PRKG1: variants seen among roughly 807,000 people sequenced by gnomAD.
PRKG1 encodes the protein protein kinase cGMP-dependent 1, also known as cGMP-dependent protein kinase 1.
In PRKG1, 35 loss-of-function variants were observed where a neutral mutation model predicts 88.1. The observed-to-expected ratio is 0.40, with a 90% CI of 0.30 to 0.53. The LOEUF is 0.53. PRKG1 is among the 20% of genes least tolerant of loss of function. The pLI is 0.59. For missense variants in PRKG1, 540 were observed against 839.8 expected, an observed-to-expected ratio of 0.64 and a Z score of 4.41; for synonymous variants, 303 against 292.5, an observed-to-expected ratio of 1.04 and a Z score of -0.37.
intron 9 of PRKG1, among the ~76,000 whole-genome samples, chr10:52,168,032 A>G (rs933737313): frequency 3.9e-5 from 6 of 152,176 alleles, no homozygotes; most frequent in Non-Finnish European, 8.8e-5. Flanking sequence ...GTAGTCCCTC[A>G]TGCACCAGCA....
chr10:52,182,901 T>C (rs1458536939), intron 9 of PRKG1, among the ~76,000 whole-genome samples: 1 of 152,174 alleles, frequency 6.6e-6, no homozygotes, highest in Non-Finnish European at 1.5e-5. Flanking sequence ...CCTGTACAAG[T>C]ATGGCACTAG....
intron 9 of PRKG1, among the ~76,000 whole-genome samples, chr10:52,223,983 C>A (rs1840316005): frequency 6.6e-6 from 1 of 152,136 alleles, no homozygotes; most frequent in Admixed American, 6.6e-5. Flanking sequence ...TCTGACTTAT[C>A]TTCATATTTC....
intron 4 of PRKG1, among the ~76,000 whole-genome samples, chr10:51,873,597 A>G (rs4935288): frequency 0.41 from 61,022 of 147,856 alleles, 14,190 homozygotes; most frequent in African/African-American, 0.62. Flanking sequence ...TCATGATCTC[A>G]GCTCACTGCA....
At chr10:51,009,594 A>T (rs1215577972) in intron 1 of PRKG1, among the ~76,000 whole-genome samples, 1 of 152,222 alleles carries the variant, frequency 6.6e-6, no homozygotes, top group Non-Finnish European at 1.5e-5. Context: ...GAGCTAGTTG[A>T]ATAGTCTTAT....
intron 9 of PRKG1, among the ~76,000 whole-genome samples, chr10:52,205,885 A>G (rs192263318): frequency 6.6e-6 from 1 of 151,892 alleles, no homozygotes; most frequent in Admixed American, 6.6e-5. Context: ...TCTGATGACT[A>G]TGTGCATTGG....
chr10:51,009,192 G>A (rs1221775496), intron 1 of PRKG1, among the ~76,000 whole-genome samples: 2 of 152,016 alleles, frequency 1.3e-5, no homozygotes, highest in Non-Finnish European at 1.5e-5. Flanking sequence ...TTGGTAACTT[G>A]TTTCTTTAGG....
At chr10:51,886,373 A>C (rs868839143) in intron 4 of PRKG1, among the ~76,000 whole-genome samples, 1 of 152,196 alleles carries the variant, frequency 6.6e-6, no homozygotes, top group South Asian at 2.1e-4. Flanking sequence ...AAGCCATTTA[A>C]AGATATGGCA....
chr10:51,753,111 CTAAT>C (rs899013989), intron 3 of PRKG1, among the ~76,000 whole-genome samples: 47 of 152,038 alleles, frequency 3.1e-4, no homozygotes, highest in African/African-American at 1.0e-3. Flanking sequence ...ATCTTGGTGT[CTAAT>C]TATATTACAA....
At chr10:51,638,734 G>A (rs1314506517) in intron 3 of PRKG1, among the ~76,000 whole-genome samples, 5 of 152,176 alleles carry the variant, frequency 3.3e-5, no homozygotes, top group Non-Finnish European at 7.3e-5. Context: ...GAAGGAAGCA[G>A]GAAGTAATCA....
At chr10:51,073,426 G>C (rs956219511), upstream of PRKG1, among the ~76,000 whole-genome samples, 1 of 152,146 alleles carries the variant, frequency 6.6e-6, no homozygotes, top group African/African-American at 2.4e-5. Flanking sequence ...TATTTTTAAA[G>C]GTATGATTCA....
intron 5 of PRKG1, among the ~76,000 whole-genome samples, chr10:51,990,646 A>G (rs1844280994): frequency 6.6e-6 from 1 of 152,006 alleles, no homozygotes; most frequent in African/African-American, 2.4e-5. Flanking sequence ...GGGTTGTTGT[A>G]TAGATTATTT....
intron 9 of PRKG1, among the ~76,000 whole-genome samples, chr10:52,216,114 C>G (rs984491095): frequency 6.6e-6 from 1 of 152,184 alleles, no homozygotes; most frequent in Non-Finnish European, 1.5e-5. Flanking sequence ...TTGGGAGATT[C>G]TTCAGACTGC....
chr10:51,263,219 GCC>G (rs1839757752), intron 2 of PRKG1, among the ~76,000 whole-genome samples: 2 of 152,082 alleles, frequency 1.3e-5, no homozygotes, highest in South Asian at 4.2e-4. Flanking sequence ...TATTTAACAG[GCC>G]TCATTGATGC....
At chr10:51,056,761 T>C (rs1843630689) in intron 1 of PRKG1, among the ~76,000 whole-genome samples, 1 of 152,146 alleles carries the variant, frequency 6.6e-6, no homozygotes, top group Non-Finnish European at 1.5e-5. Flanking sequence ...CTTGTCTGTC[T>C]CCTATCTGCC....
intron 7 of PRKG1, among the ~76,000 whole-genome samples, chr10:52,120,963 C>T (rs1819220619): frequency 6.6e-6 from 1 of 152,208 alleles, no homozygotes; most frequent in Admixed American, 6.5e-5. Flanking sequence ...GTGGAGGCTA[C>T]CGTGGCCCCA....
At chr10:51,661,677 C>T (rs1028281795) in intron 3 of PRKG1, among the ~76,000 whole-genome samples, 5 of 152,160 alleles carry the variant, frequency 3.3e-5, no homozygotes, top group Non-Finnish European at 7.4e-5. Context: ...GTGGCAATTC[C>T]TCAAGGATCT....
intron 3 of PRKG1, among the ~76,000 whole-genome samples, chr10:51,525,676 C>T (rs1841864158): frequency 1.3e-5 from 2 of 151,726 alleles, no homozygotes; most frequent in Non-Finnish European, 2.9e-5. Flanking sequence ...CCAGCCTGGG[C>T]AACAGAGTGA....
At chr10:51,229,582 C>T (rs916219086) in intron 2 of PRKG1, among the ~76,000 whole-genome samples, 2 of 152,164 alleles carry the variant, frequency 1.3e-5, no homozygotes, top group South Asian at 2.1e-4. Flanking sequence ...TTAGTCTCTC[C>T]AAGACTCAGT....
At chr10:51,827,730 T>A (rs907474754) in intron 4 of PRKG1, among the ~76,000 whole-genome samples, 2 of 152,132 alleles carry the variant, frequency 1.3e-5, no homozygotes, top group Admixed American at 6.6e-5. Flanking sequence ...ACTTTCTAAC[T>A]GGAAAAATGC....
Sources: allele counts gnomAD v4.1 joint callset (sites outside exome capture counted in the v4.1 genomes callset), GRCh38; gene constraint gnomAD v4.1.1; transcripts MANE v1.5; gene names NCBI Gene and HGNC (gene_info 2026-07-23, HGNC 2026-07-21).